The following MYO6 variants were observed in gnomAD, a reference collection of about 807,000 sequenced individuals.
The protein encoded by MYO6 is unconventional myosin-VI.
In MYO6, 74 loss-of-function variants were observed where a neutral mutation model predicts 178.7. The observed-to-expected ratio is 0.41, with a 90% confidence interval of 0.34 to 0.50. MYO6 has a LOEUF of 0.50. Among genes scored for constraint, MYO6 ranks in the 20% least tolerant of loss-of-function variants. The pLI, the probability that MYO6 is intolerant of heterozygous loss-of-function variation, is 0.09. For synonymous variants in MYO6, 477 were observed against 504.6 expected (o/e 0.95, Z 0.73); for missense variants, 1,330 against 1,547.4 (o/e 0.86, Z 2.36).
chr6:75,850,840 T>C (rs1775195444), intron 11 of MYO6, among the ~76,000 whole-genome samples: 1 of 152,114 alleles, frequency 6.6e-6, no homozygotes, highest in Non-Finnish European at 1.5e-5. Context: ...GTAATCATTA[T>C]AAGTGCTTTA....
At chr6:75,905,459 C>A (rs574420290) in intron 30 of MYO6, among the ~76,000 whole-genome samples, 2 of 152,242 alleles carry the variant, frequency 1.3e-5, no homozygotes, top group Admixed American at 6.5e-5. Flanking sequence ...GCGCAGTATT[C>A]GGGTGGAAGT....
intron 1 of MYO6, among the ~76,000 whole-genome samples, chr6:75,763,129 C>T (rs565431133): frequency 1.4e-4 from 21 of 151,596 alleles, no homozygotes; most frequent in Admixed American, 7.9e-4. Flanking sequence ...CGAGATCAAG[C>T]GATTCTCCTG....
intron 2 of MYO6, among the ~76,000 whole-genome samples, chr6:75,818,331 T>TA (rs1771497112): frequency 6.6e-6 from 1 of 152,192 alleles, no homozygotes; most frequent in Admixed American, 6.5e-5. Context: ...TGGAGACTGA[T>TA]ACAGTCTGTT....
chr6:75,882,322 A>G (rs892744445), intron 23 of MYO6, among the ~76,000 whole-genome samples: 4 of 152,144 alleles, frequency 2.6e-5, no homozygotes, highest in Non-Finnish European at 4.4e-5. Flanking sequence ...TAATAATTCC[A>G]TTAGCTCCCA....
chr6:75,792,599 A>G (rs1250875931), intron 1 of MYO6, among the ~76,000 whole-genome samples: 2 of 152,240 alleles, frequency 1.3e-5, no homozygotes, highest in East Asian at 3.9e-4. Flanking sequence ...AACATTTTCA[A>G]ATATTGAAAA....
At position 75,898,386 on chromosome 6, in the gene MYO6, A is replaced by G. The variant is rs1471586963; in HGVS notation, c.3151A>G (p.Lys1051Glu). 6.2e-7 allele frequency: 1 copy of G among 1,610,246 alleles called. No homozygotes were observed. Among genetic ancestry groups the G allele is most frequent in the Admixed American group, 1.7e-5 (1 of 60,014 alleles). The change falls in exon 30 of 35, where the codon AAA becomes GAA. Residue 1051 changes from lysine to glutamate, a missense_variant. By Grantham distance (56) the Lys-to-Glu change is moderately conservative. This residue lies in a region of MYO6 where 601 missense variants were observed against 626.1 expected (regional missense o/e 0.96). Transcript: ENST00000369977. Reference protein sequence around the residue: ...RPKMTPEQMAKEMSEFLSRGP... With the variant: ...RPKMTPEQMAEEMSEFLSRGP... ...TTTTTCTTGTAGGGAACAAATGGCCAAAGAAATGTCAGAATTTTTGAGTAG... is the reference window on the plus strand; with the variant it reads ...TTTTTCTTGTAGGGAACAAATGGCCGAAGAAATGTCAGAATTTTTGAGTAG...
rs1330734542 is a variant in MYO6, at chr6:75,892,694, C to CT, written c.3107+5dup. 9 of 1,611,996 alleles carry CT rather than the reference C, an allele frequency of 5.6e-6. No individual in the cohort carries two copies. The highest frequency in any genetic ancestry group is 6.8e-6 in the Non-Finnish European group (8 of 1,179,932). ...AGGCCGACCTGGCGCTGCGGAGGTA[C>CT]TGGGGCCCCTGGGTGGGGTATAGCG... On this transcript the variant is annotated splice_donor_region_variant and intron_variant, in intron 28 of 34. Coordinates refer to ENST00000369977, the MANE Select transcript of MYO6 (RefSeq NM_004999.4).
intron 1 of MYO6, among the ~76,000 whole-genome samples, chr6:75,813,200 C>T (rs931041420): frequency 1.3e-5 from 2 of 152,130 alleles, no homozygotes. Context: ...CCTTAGAAAT[C>T]TATCTGCTGC....
At chr6:75,870,258 C>A (rs141211979) in intron 18 of MYO6, among the ~76,000 whole-genome samples, 112 of 152,264 alleles carry the variant, frequency 7.4e-4, no homozygotes, top group African/African-American at 2.6e-3. Context: ...GTGTGTGACA[C>A]AAACTACAGT....
Position 75,827,221 on chromosome 6 carries a change from T to C in MYO6, c.188-1319T>C, listed in dbSNP as rs767311358. 1.0e-3 allele frequency among the ~76,000 whole-genome samples: 159 copies of C among 151,920 alleles called. 2 individuals carry two copies. The highest frequency in any genetic ancestry group is 3.4e-4 in the Non-Finnish European group (23 of 68,016). On this transcript the variant is annotated intron_variant, in intron 3 of 34. Coordinates refer to ENST00000369977, the MANE Select transcript of MYO6 (RefSeq NM_004999.4). ...AAGAACCATAAAGAAATTGCAAAGA[T>C]AGTAGTTGTAGTGGTGGTGGTGAGA...
chr6:75,852,196 G>A (rs1199737266), intron 11 of MYO6, among the ~76,000 whole-genome samples: 1 of 151,670 alleles, frequency 6.6e-6, no homozygotes, highest in East Asian at 1.9e-4. Context: ...ATATTTAAAT[G>A]AATTATTTGA....
intron 11 of MYO6, among the ~76,000 whole-genome samples, chr6:75,851,122 G>C (rs941108957): frequency 6.6e-6 from 1 of 152,186 alleles, no homozygotes; most frequent in African/African-American, 2.4e-5. Context: ...TGTTAGAAGT[G>C]ATAAATGGCA....
At chr6:75,751,628 T>C (rs545965729) in intron 1 of MYO6, among the ~76,000 whole-genome samples, 5 of 152,318 alleles carry the variant, frequency 3.3e-5, no homozygotes, top group Non-Finnish European at 5.9e-5. Flanking sequence ...AAAATAACAG[T>C]GGCCAGGAAA....
At chr6:75,756,751 T>A (rs1303172504) in intron 1 of MYO6, among the ~76,000 whole-genome samples, 1 of 152,116 alleles carries the variant, frequency 6.6e-6, no homozygotes, top group African/African-American at 2.4e-5. Flanking sequence ...GTTATGACCT[T>A]CATTTTACAG....
In MYO6 at chr6:75,817,576, C is replaced by T. The variant is rs752993730; in HGVS notation, c.29C>T (p.Pro10Leu). The T allele has an allele frequency of 6.2e-7, 1 of 1,614,212 alleles. No homozygotes were observed. The highest frequency in any genetic ancestry group is 2.2e-5 in the East Asian group (1 of 44,886). MEDGKPVWA[P>L]HPTDGFQMGN... ...GAGGATGGAAAGCCCGTTTGGGCGC[C>T]ACACCCTACAGATGGATTTCAGATG... is the stretch of plus-strand genomic sequence containing the variant. The change falls in exon 2 of 35, where the codon CCA (proline) becomes CTA (leucine). Residue 10 changes from proline to leucine, a missense_variant. Transcript: ENST00000369977.
At chr6:75,807,767 T>C (rs1235960321) in intron 1 of MYO6, among the ~76,000 whole-genome samples, 4 of 152,232 alleles carry the variant, frequency 2.6e-5, no homozygotes, top group Admixed American at 2.6e-4. Flanking sequence ...GAGATCTCTC[T>C]TGTTGCCATC....
chr6:75,819,408 A>G (rs1771634520), intron 2 of MYO6, among the ~76,000 whole-genome samples: 3 of 152,238 alleles, frequency 2.0e-5, no homozygotes, highest in Admixed American at 1.3e-4. Context: ...CAGCTTCAAA[A>G]TAATTATTAA....
chr6:75,827,535 C>T (rs953506706), intron 3 of MYO6, among the ~76,000 whole-genome samples: 2 of 152,114 alleles, frequency 1.3e-5, no homozygotes, highest in African/African-American at 4.8e-5. Context: ...GATGAGGGCT[C>T]TACTTTAGTT....
chr6:75,896,770 A>T (rs879382960), intron 29 of MYO6, among the ~76,000 whole-genome samples: 5 of 152,208 alleles, frequency 3.3e-5, no homozygotes, highest in East Asian at 1.9e-4. Context: ...TGTTACCACA[A>T]TACTGCCCCA....
Sources: gnomAD v4.1 joint callset for allele counts (sites outside exome capture counted in the v4.1 genomes callset) on GRCh38, gnomAD v4.1.1 for gene constraint, gnomAD v4.1.1 regional missense constraint, MANE v1.5 for transcripts, NCBI Gene and HGNC (gene_info 2026-07-23, HGNC 2026-07-21) for gene names.